Variants in JPH1 observed in about 807,000 individuals in gnomAD.
JPH1 encodes the protein junctophilin-1.
Under a neutral mutation model 53.6 loss-of-function variants are expected in JPH1, and 12 were observed. That is an observed-to-expected ratio of 0.22 (90% CI 0.14 to 0.36). The LOEUF (loss-of-function observed/expected upper bound fraction) is 0.36. Among genes scored for constraint, JPH1 ranks in the 10% least tolerant of loss-of-function variants. The probability of loss-of-function intolerance (pLI) is 1.00; values close to 1 mark genes in which losing one functional copy is unlikely to be tolerated. For synonymous variants in JPH1, 375 were observed against 363.8 expected, an observed-to-expected ratio of 1.03 and a Z score of -0.35; for missense variants, 808 against 905.5, an observed-to-expected ratio of 0.89 and a Z score of 1.38.
chr8:74,243,223 G>C (rs1202280116), intron 4 of JPH1, among the ~76,000 whole-genome samples: 2 of 152,182 alleles, frequency 1.3e-5, no homozygotes, highest in African/African-American at 4.8e-5. Context: ...AAATTCAATA[G>C]TGATTATTAT....
chr8:74,251,378 T>A (rs773368277), intron 3 of JPH1, among the ~76,000 whole-genome samples: 4 of 152,210 alleles, frequency 2.6e-5, no homozygotes, highest in African/African-American at 4.8e-5. Context: ...TCTACCTTTG[T>A]GTAGTTTCAG....
At chr8:74,300,645 T>C (rs760495811) in intron 2 of JPH1, among the ~76,000 whole-genome samples, 6 of 152,186 alleles carry the variant, frequency 3.9e-5, no homozygotes, top group Non-Finnish European at 8.8e-5. Context: ...ATCTTCTGAT[T>C]GAGGAAAAAT....
chr8:74,276,683 T>G (rs1806858065), intron 2 of JPH1, among the ~76,000 whole-genome samples: 1 of 152,232 alleles, frequency 6.6e-6, no homozygotes, highest in Non-Finnish European at 1.5e-5. Context: ...AAGGGTGACC[T>G]GAAGGTAAGA....
At chr8:74,263,513 C>T (rs1235238949) in intron 2 of JPH1, among the ~76,000 whole-genome samples, 1 of 152,124 alleles carries the variant, frequency 6.6e-6, no homozygotes, top group African/African-American at 2.4e-5. Flanking sequence ...ATGGCAACAC[C>T]ATTCTTGCAG....
chr8:74,284,860 T>C (rs1235358716), intron 2 of JPH1, among the ~76,000 whole-genome samples: 1 of 150,910 alleles, frequency 6.6e-6, no homozygotes, highest in East Asian at 2.0e-4. Flanking sequence ...AGTCTCACTC[T>C]GTCACCCAGG....
At chr8:74,262,283 G>A (rs1279402526) in intron 2 of JPH1, among the ~76,000 whole-genome samples, 5 of 152,172 alleles carry the variant, frequency 3.3e-5, no homozygotes, top group African/African-American at 1.2e-4. Flanking sequence ...TTTTGCCCAG[G>A]AATAATCTGG....
At chr8:74,238,617 G>A (rs1805610076) in intron 4 of JPH1, among the ~76,000 whole-genome samples, 1 of 152,138 alleles carries the variant, frequency 6.6e-6, no homozygotes, top group African/African-American at 2.4e-5. Flanking sequence ...AATATTTAAT[G>A]AGACTCTACT....
At chr8:74,268,597 C>A (rs917218971) in intron 2 of JPH1, among the ~76,000 whole-genome samples, 2 of 152,030 alleles carry the variant, frequency 1.3e-5, no homozygotes, top group African/African-American at 4.8e-5. Context: ...AGTCCTGACT[C>A]CATGTTCTTT....
chr8:74,312,468 T>G (rs921032009), intron 2 of JPH1, among the ~76,000 whole-genome samples: 3 of 152,240 alleles, frequency 2.0e-5, no homozygotes, highest in Admixed American at 6.5e-5. Context: ...GAGATTGGTC[T>G]TGAACTCCTG....
chr8:74,287,713 G>C (rs756050269), intron 2 of JPH1, among the ~76,000 whole-genome samples: 1 of 151,072 alleles, frequency 6.6e-6, no homozygotes, highest in African/African-American at 2.4e-5. Context: ...TTTAAAGAAG[G>C]GTGAAATTCC....
intron 3 of JPH1, among the ~76,000 whole-genome samples, chr8:74,251,662 T>C (rs193057961): frequency 1.3e-5 from 2 of 152,316 alleles, no homozygotes; most frequent in Non-Finnish European, 2.9e-5. Flanking sequence ...TATAATCTAC[T>C]AGCAACCTTT....
chr8:74,282,000 A>G (rs573701038), intron 2 of JPH1, among the ~76,000 whole-genome samples: 7 of 152,314 alleles, frequency 4.6e-5, no homozygotes, highest in African/African-American at 1.7e-4. Flanking sequence ...GACTTTCCAA[A>G]TGTTCCATAG....
intron 2 of JPH1, among the ~76,000 whole-genome samples, chr8:74,280,387 T>C (rs1239509098): frequency 3.9e-5 from 6 of 152,198 alleles, no homozygotes; most frequent in African/African-American, 1.4e-4. Context: ...AAGAACTCAT[T>C]ATGTGCAGAA....
At chr8:74,267,417 TTC>T (rs1041078370) in intron 2 of JPH1, among the ~76,000 whole-genome samples, 3 of 152,242 alleles carry the variant, frequency 2.0e-5, no homozygotes, top group Non-Finnish European at 2.9e-5. Context: ...AATCCTGGGC[TTC>T]TTTTAGGAGG....
chr8:74,285,186 A>T (rs1463612721), intron 2 of JPH1, among the ~76,000 whole-genome samples: 1 of 152,012 alleles, frequency 6.6e-6, no homozygotes, highest in Non-Finnish European at 1.5e-5. Context: ...TGTTGTAAAG[A>T]GCCTTACACT....
At chr8:74,302,959 GAAA>G (rs34040034) in intron 2 of JPH1, among the ~76,000 whole-genome samples, 45,935 of 136,716 alleles carry the variant, frequency 0.34, 7,156 homozygotes, top group South Asian at 0.48. Context: ...GCCAAGAAAA[GAAA>G]AAAAAAAAAA....
chr8:74,295,650 C>A (rs918432993), intron 2 of JPH1, among the ~76,000 whole-genome samples: 1 of 152,144 alleles, frequency 6.6e-6, no homozygotes, highest in Non-Finnish European at 1.5e-5. Context: ...AAATCTCCCC[C>A]CTCAGCTCAG....
chr8:74,245,915 GAA>G (rs112727683), intron 3 of JPH1, among the ~76,000 whole-genome samples: 5,829 of 86,226 alleles, frequency 0.068, 324 homozygotes, highest in African/African-American at 0.16. Flanking sequence ...AGGAAAAAAT[GAA>G]AAAAAAAAAA....
At chr8:74,242,854 C>T (rs1805737021) in intron 4 of JPH1, among the ~76,000 whole-genome samples, 1 of 152,208 alleles carries the variant, frequency 6.6e-6, no homozygotes, top group Non-Finnish European at 1.5e-5. Context: ...TCTGAGAATT[C>T]CGCAAATAAG....
Sources: allele counts gnomAD v4.1 joint callset (sites outside exome capture counted in the v4.1 genomes callset), GRCh38; gene constraint gnomAD v4.1.1; transcripts MANE v1.5; gene names NCBI Gene and HGNC (gene_info 2026-07-23, HGNC 2026-07-21).